The following ATP10A variants were observed in gnomAD, a reference collection of about 807,000 sequenced individuals.
ATP10A encodes the protein phospholipid-transporting ATPase VA.
In ATP10A, 111 loss-of-function variants were observed where a neutral mutation model predicts 147.8. That is an observed-to-expected ratio of 0.75 (90% CI 0.64 to 0.88). The LOEUF is 0.88. Ranked by LOEUF, ATP10A falls within the 40% of genes least tolerant of loss-of-function variation. The pLI is 0.00. For synonymous variants in ATP10A, 875 were observed against 841.6 expected, an observed-to-expected ratio of 1.04 and a Z score of -0.69; for missense variants, 1,927 against 1,959.0, an observed-to-expected ratio of 0.98 and a Z score of 0.31.
chr15:25,706,489 C>A (rs1901026039), intron 12 of ATP10A, among the ~76,000 whole-genome samples: 1 of 152,186 alleles, frequency 6.6e-6, no homozygotes, highest in African/African-American at 2.4e-5. Context: ...AGCCACTTGC[C>A]CCAGGCTGTC....
At chr15:25,720,904 C>T (rs1293292779) in intron 7 of ATP10A, among the ~76,000 whole-genome samples, 2 of 152,164 alleles carry the variant, frequency 1.3e-5, no homozygotes, top group Non-Finnish European at 2.9e-5. Flanking sequence ...TCCCTCTGTC[C>T]GGTTTTAATT....
chr15:25,734,075 C>T (rs1402108519), intron 3 of ATP10A, among the ~76,000 whole-genome samples: 1 of 152,128 alleles, frequency 6.6e-6, no homozygotes. Flanking sequence ...GGGCTGAGCG[C>T]AGGGCGGAGA....
At chr15:25,817,475 G>C (rs1019231696) in intron 1 of ATP10A, among the ~76,000 whole-genome samples, 2 of 152,194 alleles carry the variant, frequency 1.3e-5, no homozygotes, top group Non-Finnish European at 2.9e-5. Flanking sequence ...AATTTGGATA[G>C]TATAAAGACA....
intron 1 of ATP10A, among the ~76,000 whole-genome samples, chr15:25,788,186 G>T (rs539230156): frequency 7.2e-5 from 11 of 152,254 alleles, no homozygotes; most frequent in Non-Finnish European, 1.3e-4. Context: ...ACATGTAGGA[G>T]CAGCACTAAA....
Position 25,855,890 on chromosome 15 carries a change from T to G in ATP10A, c.449+6758A>C, listed in dbSNP as rs533508083. On this transcript the variant is annotated intron_variant, in intron 1 of 20. Transcript: ENST00000555815. ...AACATGTAAACATACTGACCAAAAC[T>G]TATTAATGCATTAATGGAAAACTGT... 2.6e-5 allele frequency among the ~76,000 whole-genome samples: 4 copies of G among 152,298 alleles called. No homozygotes were observed. The East Asian group carries it at 7.7e-4, about 29-fold the overall frequency.
chr15:25,838,606 C>A (rs993872020), intron 1 of ATP10A, among the ~76,000 whole-genome samples: 1 of 152,168 alleles, frequency 6.6e-6, no homozygotes, highest in Admixed American at 6.5e-5. Flanking sequence ...AATCCAGCAA[C>A]GGAGTGTTAT....
intron 1 of ATP10A, among the ~76,000 whole-genome samples, chr15:25,811,165 G>T (rs1891412511): frequency 6.6e-6 from 1 of 152,212 alleles, no homozygotes; most frequent in African/African-American, 2.4e-5. Context: ...GACACAACAG[G>T]GAGGGAGAAG....
intron 2 of ATP10A, among the ~76,000 whole-genome samples, chr15:25,750,585 G>T (rs532475592): frequency 5.7e-4 from 87 of 152,148 alleles, no homozygotes; most frequent in Non-Finnish European, 9.7e-4. Flanking sequence ...TTAAGCTCTA[G>T]GTGATTTTAG....
At chr15:25,698,428 T>C (rs1395250850) in intron 13 of ATP10A, among the ~76,000 whole-genome samples, 1 of 152,232 alleles carries the variant, frequency 6.6e-6, no homozygotes, top group Non-Finnish European at 1.5e-5. Context: ...ATTTTCTTGA[T>C]AACATTTTCT....
intron 2 of ATP10A, among the ~76,000 whole-genome samples, chr15:25,778,832 G>A (rs1596869411): frequency 6.6e-6 from 1 of 152,114 alleles, no homozygotes; most frequent in African/African-American, 2.4e-5. Flanking sequence ...CTGTAGATAC[G>A]ACTGGGTTCA....
chr15:25,813,797 A>C (rs1235448793), intron 1 of ATP10A, among the ~76,000 whole-genome samples: 1 of 152,202 alleles, frequency 6.6e-6, no homozygotes, highest in Non-Finnish European at 1.5e-5. Flanking sequence ...GAAAGAAAAA[A>C]AAGTTAGTGA....
At chr15:25,741,828 T>C (rs1887594121) in intron 2 of ATP10A, among the ~76,000 whole-genome samples, 1 of 152,234 alleles carries the variant, frequency 6.6e-6, no homozygotes, top group Non-Finnish European at 1.5e-5. Flanking sequence ...ACATAGTGGG[T>C]ACTCAATCAG....
chr15:25,794,919 G>A (rs368183304), intron 1 of ATP10A, among the ~76,000 whole-genome samples: 1 of 152,024 alleles, frequency 6.6e-6, no homozygotes, highest in African/African-American at 2.4e-5. Flanking sequence ...AGGATGAAGA[G>A]GGGGTTGAGT....
At chr15:25,796,734 C>T (rs566125348) in intron 1 of ATP10A, among the ~76,000 whole-genome samples, 2 of 152,350 alleles carry the variant, frequency 1.3e-5, no homozygotes, top group South Asian at 4.1e-4. Flanking sequence ...CCGGATATCC[C>T]TCTGGGATGG....
At chr15:25,804,430 T>C (rs1485647167) in intron 1 of ATP10A, among the ~76,000 whole-genome samples, 2 of 132,484 alleles carry the variant, frequency 1.5e-5, no homozygotes, top group Non-Finnish European at 3.1e-5. Context: ...TGCGTGTGTA[T>C]GTGTGGTGTG....
Position 25,679,783 on chromosome 15 carries a change from G to T in ATP10A, c.4058C>A (p.Pro1353His). The T allele has an allele frequency of 6.2e-7, 1 of 1,612,908 alleles. No individual in the cohort carries two copies. ...TVKTSVPLSQ[P>H]SWHTQQPVCS... ...GACCGGCTGCTGTGTGTGCCAAGAA[G>T]GCTGGGACAGGGGCACAGAGGTCTT... Residue 1353 changes from proline (P) to histidine (H), a missense_variant, in exon 21 of 21, where the codon CCT (proline) becomes CAT (histidine). Pro to His is a moderately conservative substitution (Grantham distance 77). Transcript: ENST00000555815.
intron 12 of ATP10A, among the ~76,000 whole-genome samples, chr15:25,703,965 C>T (rs1036479724): frequency 2.6e-5 from 4 of 152,242 alleles, no homozygotes; most frequent in African/African-American, 9.6e-5. Context: ...GACCACACAG[C>T]GTGTGGAGCT....
At chr15:25,764,792 C>A (rs903035176) in intron 2 of ATP10A, among the ~76,000 whole-genome samples, 2 of 152,204 alleles carry the variant, frequency 1.3e-5, no homozygotes, top group Admixed American at 1.3e-4. Context: ...ATCACTCAGC[C>A]TATGATGCTA....
At chr15:25,718,682 C>T (rs565552597) in intron 7 of ATP10A, among the ~76,000 whole-genome samples, 5 of 152,146 alleles carry the variant, frequency 3.3e-5, no homozygotes, top group African/African-American at 9.7e-5. Context: ...AACGGGTTGA[C>T]GTCCAGCCGG....
Sources: gnomAD v4.1 joint callset for allele counts (sites outside exome capture counted in the v4.1 genomes callset) on GRCh38, gnomAD v4.1.1 for gene constraint, MANE v1.5 for transcripts, NCBI Gene and HGNC (gene_info 2026-07-23, HGNC 2026-07-21) for gene names.